RPL28: variants seen among roughly 807,000 people sequenced by gnomAD.
The protein encoded by RPL28 is large ribosomal subunit protein eL28.
RPL28 carries 4 observed loss-of-function variants against 12.5 expected under a neutral mutation model. That is an observed-to-expected ratio of 0.32 (90% CI 0.16 to 0.73). RPL28 has a LOEUF of 0.73. Among genes scored for constraint, RPL28 ranks in the 30% least tolerant of loss-of-function variants. RPL28 has a pLI of 0.66. For synonymous variants in RPL28, 91 were observed against 72.5 expected (o/e 1.26, Z -1.30); for missense variants, 214 against 197.7 (o/e 1.08, Z -0.49).
downstream of RPL28, among the ~76,000 whole-genome samples, chr19:55,396,486 CCCTCCCCA>C (rs2090023387): frequency 1.9e-4 from 1 of 5,340 alleles, no homozygotes; most frequent in Non-Finnish European, 3.6e-4. Flanking sequence ...CTCCCCCCTC[CCCTCCCCA>C]CCCCTCCCCT....
chr19:55,390,844 A>G lies in RPL28; in HGVS notation c.*2512A>G. On this transcript the variant is annotated 3_prime_UTR_variant, in exon 5 of 5. Coordinates refer to ENST00000344063, the MANE Select transcript of RPL28 (RefSeq NM_000991.5). ...TTTGGAGTCCTCAGTGTGCTGAGCA[A>G]ACGTGGAGACACCATTTCCCTCCTC... The G allele has an allele frequency of 6.1e-6, 6 of 985,432 alleles. No individual in the cohort carries two copies. Among genetic ancestry groups the G allele is most frequent in the Non-Finnish European group, 7.2e-6 (6 of 829,924 alleles). The allele number at this position is 985,432 out of a possible 1,614,324, so 61.0% of individuals were successfully genotyped here.
At chr19:55,397,543 C>G (rs1308027858) in intron 4 of RPL28, among the ~76,000 whole-genome samples, 2 of 152,018 alleles carry the variant, frequency 1.3e-5, no homozygotes, top group African/African-American at 4.8e-5. Flanking sequence ...CCACGCCCGG[C>G]TAATTTTTTT....
chr19:55,397,822 G>A (rs967770343), intron 4 of RPL28, among the ~76,000 whole-genome samples: 1 of 151,514 alleles, frequency 6.6e-6, no homozygotes, highest in Non-Finnish European at 1.5e-5. Flanking sequence ...AGTTGAGCCC[G>A]GGAGTTTGAG....
At chr19:55,397,730 A>G (rs905493659) in intron 4 of RPL28, among the ~76,000 whole-genome samples, 1 of 139,894 alleles carries the variant, frequency 7.1e-6, no homozygotes, top group Non-Finnish European at 1.6e-5. Context: ...AGAGCTGGGC[A>G]TGGTGGTGCG....
chr19:55,390,782 G>A lies in RPL28; in HGVS notation c.*2450G>A. 1 of 985,442 alleles carries A rather than the reference G, an allele frequency of 1.0e-6. No individual in the cohort carries two copies. Among genetic ancestry groups the A allele is most frequent in the African/African-American group, 1.7e-5 (1 of 57,338 alleles). The allele number at this position is 985,442 out of a possible 1,614,324, so 61.0% of individuals were successfully genotyped here. On this transcript the variant is annotated 3_prime_UTR_variant, in exon 5 of 5. Transcript: ENST00000344063. ...GGGTTGGGGTGGAGGAACCAGGAGAGGGCTGGAGGGAGGGAGATGGTCTCA... is the reference window on the plus strand; with the variant it reads ...GGGTTGGGGTGGAGGAACCAGGAGAAGGCTGGAGGGAGGGAGATGGTCTCA...
chr19:55,402,889 T>C, intron 4 of RPL28: 2 of 1,450,064 alleles, frequency 1.4e-6, no homozygotes, highest in South Asian at 2.6e-5. Flanking sequence ...CCACCCTCTC[T>C]GCCATGTGCC....
At chr19:55,398,838 G>GC (rs2090038827) in intron 4 of RPL28, among the ~76,000 whole-genome samples, 1 of 151,914 alleles carries the variant, frequency 6.6e-6, no homozygotes, top group Non-Finnish European at 1.5e-5. Context: ...AATAGCTGAG[G>GC]CTATGGGCAT....
rs1329081514 is a variant in RPL28, at chr19:55,401,718, G to T, written c.325-1225G>T. The T allele has an allele frequency of 4.3e-6, 7 of 1,613,468 alleles. No individual in the cohort carries two copies. In the East Asian group the frequency reaches 1.3e-4, roughly 31 times the overall value. ...AGAGCAGGCGGCCCGCCTCCTCGTTGAGTGCAGACTCGGGGTTAGGGTGGA... is the reference window on the plus strand; with the variant it reads ...AGAGCAGGCGGCCCGCCTCCTCGTTTAGTGCAGACTCGGGGTTAGGGTGGA... On this transcript the variant is annotated intron_variant, in intron 4 of 4. Coordinates refer to the RPL28 transcript ENST00000560055.
intron 4 of RPL28, chr19:55,401,776 C>T (rs768602325): frequency 8.2e-5 from 132 of 1,612,826 alleles, no homozygotes; most frequent in Admixed American, 1.0e-4. Context: ...TGGGAAGAGG[C>T]TCAGGGTCAC....
rs7250831 is a variant in RPL28, at chr19:55,388,066, G to A, written c.324+18G>A. 11,070 of 1,613,616 alleles carry A rather than the reference G, an allele frequency of 6.9e-3. 662 individuals are homozygous for A. The African/African-American group carries it at 0.13, about 19-fold the overall frequency. On this transcript the variant is annotated intron_variant, in intron 4 of 4. Transcript: ENST00000344063. ...TGCGCATGGTGAGCTGGGGTTTGGG[G>A]ATCAGGCTTGGGGAGACTGGCCAGT...
downstream of RPL28, among the ~76,000 whole-genome samples, chr19:55,393,115 G>A (rs1300166591): frequency 6.7e-6 from 1 of 150,050 alleles, no homozygotes; most frequent in Non-Finnish European, 1.5e-5. Flanking sequence ...CACCTCCAGC[G>A]GCCCCAGCTC....
At chr19:55,387,779 G>T in intron 3 of RPL28, 151 bp from the exon 4 acceptor site, 1 of 1,466,544 alleles carries the variant, frequency 6.8e-7, no homozygotes. Context: ...AAATGGACAG[G>T]TGGGAAAACA....
At chr19:55,387,635 C>T (rs750220619) in intron 3 of RPL28, 10 of 1,397,770 alleles carry the variant, frequency 7.2e-6, no homozygotes, top group Non-Finnish European at 9.2e-6. Context: ...TCTGGCTGGA[C>T]CTGGATCAGA....
intron 4 of RPL28, chr19:55,401,635 C>T (rs765404886): frequency 1.2e-6 from 2 of 1,606,682 alleles, no homozygotes; most frequent in Non-Finnish European, 1.7e-6. Context: ...CCCGCCGGCG[C>T]CCCCGTGGAT....
chr19:55,395,962 T>C (rs978451918), downstream of RPL28, among the ~76,000 whole-genome samples: 5 of 152,162 alleles, frequency 3.3e-5, no homozygotes, highest in Admixed American at 3.3e-4. Context: ...CAAGGCATAT[T>C]GCACCTTGCT....
At chr19:55,397,677 C>G (rs1476670631) in intron 4 of RPL28, among the ~76,000 whole-genome samples, 1 of 151,778 alleles carries the variant, frequency 6.6e-6, no homozygotes, top group African/African-American at 2.4e-5. Context: ...CGCGCCCGGC[C>G]AGGACAAATG....
At position 55,390,234 on chromosome 19, in the gene RPL28, G is replaced by C. The variant is rs79869003; in HGVS notation, c.*1902G>C. On this transcript the variant is annotated 3_prime_UTR_variant, in exon 5 of 5. Transcript: ENST00000344063. ...GGAGACTTTCTGGAGATGGAGTCTCGCTCTGTTGCCCAGGCTGGCGAGTGC... is the reference window on the plus strand; with the variant it reads ...GGAGACTTTCTGGAGATGGAGTCTCCCTCTGTTGCCCAGGCTGGCGAGTGC... The C allele has an allele frequency of 0.019, 18,968 of 980,708 alleles. 191 individuals carry two copies. Among genetic ancestry groups the C allele is most frequent in the Middle Eastern group, 0.028 (54 of 1,900 alleles). The allele number at this position is 980,708 out of a possible 1,614,324, so 60.8% of individuals were successfully genotyped here.
rs919602692 is a variant in RPL28, at chr19:55,389,946, G to T, written c.*1614G>T. On this transcript the variant is annotated 3_prime_UTR_variant, in exon 5 of 5. Coordinates refer to ENST00000344063, the MANE Select transcript of RPL28 (RefSeq NM_000991.5). ...GCCCATCTCTGGCTGGCCTCACTGC[G>T]CTGGGACTCCGCCTTCATAAGGAGA... is the stretch of plus-strand genomic sequence containing the variant. The T allele has an allele frequency of 3.0e-6, 3 of 985,476 alleles. No individual in the cohort carries two copies. The highest frequency in any genetic ancestry group is 1.7e-5 in the African/African-American group (1 of 57,334). The allele number at this position is 985,476 out of a possible 1,614,324, so 61.0% of individuals were successfully genotyped here. A position where few individuals can be genotyped will look rare whatever the true frequency, so the allele number is the denominator to read the frequency against.
chr19:55,387,505 A>G, intron 3 of RPL28: 1 of 1,448,488 alleles, frequency 6.9e-7, no homozygotes, highest in Non-Finnish European at 9.0e-7. Flanking sequence ...CCCTTCCTAG[A>G]CTAAGGGACT....
Sources: gnomAD v4.1 joint callset for allele counts (sites outside exome capture counted in the v4.1 genomes callset) on GRCh38, gnomAD v4.1.1 for gene constraint, MANE v1.5 for transcripts, NCBI Gene and HGNC (gene_info 2026-07-23, HGNC 2026-07-21) for gene names.